The following FRS2 variants were observed in gnomAD, a reference collection of about 807,000 sequenced individuals.
FRS2 encodes fibroblast growth factor receptor substrate 2.
A neutral mutation model predicts 43.9 loss-of-function variants in FRS2; 8 were observed. The ratio of observed to expected loss-of-function variants is 0.18; its 90% CI spans 0.11 to 0.33. The LOEUF (loss-of-function observed/expected upper bound fraction) is 0.33, where lower values mean the gene tolerates loss of function less well. FRS2 is among the 10% of genes least tolerant of loss of function. FRS2 has a pLI of 1.00. For missense variants in FRS2, 534 were observed against 627.6 expected, an observed-to-expected ratio of 0.85 and a Z score of 1.59; for synonymous variants, 219 against 220.3, an observed-to-expected ratio of 0.99 and a Z score of 0.05.
chr12:69,495,851 G>A (rs1406165711), intron 1 of FRS2, among the ~76,000 whole-genome samples: 1 of 152,104 alleles, frequency 6.6e-6, no homozygotes, highest in Non-Finnish European at 1.5e-5. Context: ...AGGATTGATT[G>A]AGCCTAGGAG....
intron 3 of FRS2, among the ~76,000 whole-genome samples, chr12:69,548,259 C>T (rs1878590116): frequency 6.6e-6 from 1 of 152,072 alleles, no homozygotes; most frequent in Admixed American, 6.6e-5. Flanking sequence ...TGGAAAAATT[C>T]ATAAAGAAAT....
At chr12:69,505,621 C>G (rs1873858267) in intron 1 of FRS2, among the ~76,000 whole-genome samples, 2 of 152,172 alleles carry the variant, frequency 1.3e-5, no homozygotes, top group South Asian at 4.1e-4. Context: ...CTGCCAATAA[C>G]TCGACATTTT....
intron 1 of FRS2, among the ~76,000 whole-genome samples, chr12:69,478,255 ATTT>A (rs1413655486): frequency 6.6e-6 from 1 of 152,094 alleles, no homozygotes; most frequent in Non-Finnish European, 1.5e-5. Flanking sequence ...TTATCAATGT[ATTT>A]CTATCATAAT....
chr12:69,569,366 A>G (rs1003730516), intron 5 of FRS2, among the ~76,000 whole-genome samples: 5 of 152,020 alleles, frequency 3.3e-5, no homozygotes, highest in African/African-American at 1.2e-4. Context: ...TGCCTTTTCA[A>G]TCTCATCACT....
chr12:69,476,042 C>T (rs755651845), intron 1 of FRS2, among the ~76,000 whole-genome samples: 4 of 152,068 alleles, frequency 2.6e-5, no homozygotes, highest in Non-Finnish European at 4.4e-5. Context: ...TCTCCTTCCT[C>T]GTGCCCCTTT....
chr12:69,544,116 T>TC (rs1452981757), intron 3 of FRS2, among the ~76,000 whole-genome samples: 1 of 151,498 alleles, frequency 6.6e-6, no homozygotes, highest in African/African-American at 2.4e-5. Context: ...TTTTTTTTTT[T>TC]TTAAGAGTAC....
At chr12:69,537,309 T>G (rs1342929620) in intron 3 of FRS2, among the ~76,000 whole-genome samples, 1 of 150,316 alleles carries the variant, frequency 6.7e-6, no homozygotes, top group Non-Finnish European at 1.5e-5. Context: ...TTGTTCCTTT[T>G]TGGATCTGAG....
At chr12:69,489,668 CAAA>C (rs11334694) in intron 1 of FRS2, among the ~76,000 whole-genome samples, 13 of 91,720 alleles carry the variant, frequency 1.4e-4, no homozygotes, top group Non-Finnish European at 2.3e-4. Context: ...GACTCCATCT[CAAA>C]AAAAAAAAAA....
intron 3 of FRS2, among the ~76,000 whole-genome samples, chr12:69,560,955 T>C (rs531279119): frequency 3.3e-5 from 5 of 152,318 alleles, no homozygotes; most frequent in African/African-American, 1.2e-4. Flanking sequence ...TTAAATTCAT[T>C]GCAGGATAAG....
chr12:69,578,922 T>G lies in FRS2; in HGVS notation c.*3967T>G, dbSNP rs1230344375. The G allele has an allele frequency of 1.3e-5, 2 of 152,658 alleles. No homozygotes were observed. Among genetic ancestry groups the G allele is most frequent in the African/African-American group, 2.4e-5 (1 of 41,460 alleles). 9.5% of individuals were successfully genotyped at this position (152,658 alleles called of 1,614,324 possible). ...ATTTCTTTTATAAACATTCCATATT[T>G]CTCTAATAAAAAGACATAAGTGATA... is the stretch of plus-strand genomic sequence containing the variant. On this transcript the variant is annotated 3_prime_UTR_variant, in exon 9 of 9. Transcript: ENST00000549921.
intron 3 of FRS2, among the ~76,000 whole-genome samples, chr12:69,554,036 C>T (rs1879135441): frequency 6.6e-6 from 1 of 152,094 alleles, no homozygotes; most frequent in South Asian, 2.1e-4. Context: ...TGGCAGGTTT[C>T]CAGCATTTAC....
rs1881014997 is a variant in FRS2 at position 69,574,289 on chromosome 12, C to T, written c.861C>T (p.Asp287=). 2 of 1,614,026 alleles carry T rather than the reference C, an allele frequency of 1.2e-6. No homozygotes were observed. The highest frequency in any genetic ancestry group is 1.7e-6 in the Non-Finnish European group (2 of 1,179,980). ...SGSGANNTEW[D]TGYDSDERRD... ...GTGGAGCAAATAACACAGAATGGGA[C>T]ACTGGCTATGACAGTGATGAACGAA... The change falls in exon 9 of 9, where the codon GAC becomes GAT. Residue 287 remains aspartate, a synonymous_variant. Transcript: ENST00000549921.
rs547350917 is a variant in FRS2 at position 69,478,485 on chromosome 12, G to A, written c.-261+7955G>A. Among the ~76,000 whole-genome samples, 8 of 152,242 alleles carry A rather than the reference G, an allele frequency of 5.3e-5. No individual in the cohort carries two copies. The East Asian group carries it at 1.5e-3, about 29-fold the overall frequency. ...TATTAGTGCAGCTCTATAAGGTTAGGAAGACGAGAGAGAAGAGAGATCACA... is the reference window on the plus strand; with the variant it reads ...TATTAGTGCAGCTCTATAAGGTTAGAAAGACGAGAGAGAAGAGAGATCACA... On this transcript the variant is annotated intron_variant, in intron 1 of 8. Coordinates refer to ENST00000549921, the MANE Select transcript of FRS2 (RefSeq NM_001278356.2).
chr12:69,497,648 A>T (rs571856555), intron 1 of FRS2, among the ~76,000 whole-genome samples: 1 of 152,242 alleles, frequency 6.6e-6, no homozygotes, highest in African/African-American at 2.4e-5. Context: ...GATGATAAGG[A>T]AAGGGCTTTC....
At chr12:69,471,869 T>C (rs577943430) in intron 1 of FRS2, among the ~76,000 whole-genome samples, 4 of 152,358 alleles carry the variant, frequency 2.6e-5, no homozygotes, top group South Asian at 2.1e-4. Flanking sequence ...TGGGTACTTA[T>C]GTCATTCTCT....
intron 1 of FRS2, among the ~76,000 whole-genome samples, chr12:69,512,052 GT>G (rs1209661770): frequency 1.3e-5 from 2 of 152,150 alleles, no homozygotes; most frequent in Non-Finnish European, 2.9e-5. Context: ...GCTGTCACCT[GT>G]TACCTGTGTC....
chr12:69,532,351 C>G (rs541399208), intron 3 of FRS2, among the ~76,000 whole-genome samples: 216 of 152,216 alleles, frequency 1.4e-3, no homozygotes, highest in Non-Finnish European at 2.7e-3. Context: ...GAAAAAAGTT[C>G]TTCCATTGGG....
At chr12:69,568,794 C>G (rs550635349) in intron 4 of FRS2, among the ~76,000 whole-genome samples, 1 of 152,082 alleles carries the variant, frequency 6.6e-6, no homozygotes, top group Non-Finnish European at 1.5e-5. Context: ...ATTTGTTTGA[C>G]ATTATTAATG....
intron 7 of FRS2, among the ~76,000 whole-genome samples, 166 bp downstream of exon 7, chr12:69,571,600 G>A (rs61759367): frequency 4.9e-4 from 75 of 152,308 alleles, no homozygotes; most frequent in African/African-American, 1.7e-3. Flanking sequence ...AGTGGCTCAC[G>A]CCTGTAATCC....
Sources: gnomAD v4.1 joint callset for allele counts (sites outside exome capture counted in the v4.1 genomes callset) on GRCh38, gnomAD v4.1.1 for gene constraint, MANE v1.5 for transcripts, NCBI Gene and HGNC (gene_info 2026-07-23, HGNC 2026-07-21) for gene names.